The following BAZ2A variants were observed in gnomAD, a reference collection of about 807,000 sequenced individuals.
The protein encoded by BAZ2A is bromodomain adjacent to zinc finger domain 2A.
In BAZ2A, 34 loss-of-function variants were observed where a neutral mutation model predicts 199.9. That is an observed-to-expected ratio of 0.17 (90% CI 0.13 to 0.23). The LOEUF (loss-of-function observed/expected upper bound fraction) is 0.23, where lower values mean the gene tolerates loss of function less well. Ranked by LOEUF, BAZ2A falls within the 10% of genes least tolerant of loss-of-function variation. The probability of loss-of-function intolerance (pLI) is 1.00; values close to 1 mark genes in which losing one functional copy is unlikely to be tolerated. For missense variants in BAZ2A, 2,002 were observed against 2,391.1 expected (o/e 0.84, Z 3.39); for synonymous variants, 857 against 883.9 (o/e 0.97, Z 0.54).
chr12:56,599,620 G>A, intron 26 of BAZ2A, 82 bp downstream of exon 26: 1 of 1,592,782 alleles, frequency 6.3e-7, no homozygotes, highest in Non-Finnish European at 8.6e-7. Context: ...ACCCAGTCTA[G>A]GACTCTTTCC....
At chr12:56,614,638 A>C (rs1426064338) in intron 3 of BAZ2A, among the ~76,000 whole-genome samples, 5 of 152,182 alleles carry the variant, frequency 3.3e-5, no homozygotes, top group Admixed American at 2.0e-4. Context: ...GACGACTTTA[A>C]CAGCCAGTCT....
At position 56,625,964 on chromosome 12, in the gene BAZ2A, A is replaced by G. The variant is rs1240571478; in HGVS notation, c.-3+4161T>C. Among the ~76,000 whole-genome samples, 4 of 152,142 alleles carry G rather than the reference A, an allele frequency of 2.6e-5. 1 individual carries two copies. The highest frequency in any genetic ancestry group is 9.7e-5 in the African/African-American group (4 of 41,438). On this transcript the variant is annotated intron_variant, in intron 1 of 28. Transcript: ENST00000549884. ...CAAGATTACAGTATTTTAGTCTGCA[A>G]AATGCCCCCATAATAACTGTTCTCT...
chr12:56,622,578 A>G (rs974823833), intron 1 of BAZ2A, among the ~76,000 whole-genome samples: 6 of 152,178 alleles, frequency 3.9e-5, no homozygotes, highest in Non-Finnish European at 7.3e-5. Flanking sequence ...TGCTTTTCAC[A>G]ATAAACCCTA....
chr12:56,611,423 A>C, intron 7 of BAZ2A, 150 bp downstream of exon 7: 1 of 746,802 alleles, frequency 1.3e-6, no homozygotes, highest in South Asian at 1.7e-5. Context: ...TCATGCCAAG[A>C]AACATTATCA....
intron 1 of BAZ2A, among the ~76,000 whole-genome samples, chr12:56,620,743 T>TGATAAA (rs1230256588): frequency 6.6e-6 from 1 of 152,022 alleles, no homozygotes; most frequent in Admixed American, 6.6e-5. Flanking sequence ...ATCTTTTTAG[T>TGATAAA]AGAGACGGGG....
In BAZ2A at chr12:56,605,890, C is replaced by T. The variant is rs372636982; in HGVS notation, c.2433G>A (p.Gln811=). ...TQRRLEERQR[Q]QMILEEMKKP... is the part of the protein sequence containing the mutation. ...TCTTCATTTCCTCCAAGATCATCTG[C>T]TGCCTCTGCCGTTCCTCCAAGCGCC... Residue 811 remains glutamine, a synonymous_variant, in exon 13 of 29, where the codon CAG becomes CAA. Coordinates refer to ENST00000549884, the MANE Select transcript of BAZ2A (RefSeq NM_001300905.2). 7 of 1,597,066 alleles carry T rather than the reference C, an allele frequency of 4.4e-6. No individual in the cohort carries two copies. In the African/African-American group the frequency reaches 8.0e-5, roughly 18 times the overall value.
At chr12:56,605,670 C>A (rs1950323686) in intron 13 of BAZ2A, 160 bp downstream of exon 13, 1 of 822,440 alleles carries the variant, frequency 1.2e-6, no homozygotes, top group East Asian at 2.7e-5. Flanking sequence ...GATCTGCCCG[C>A]CTCGGCCTCC....
At chr12:56,607,614 G>A (rs866723318) in intron 10 of BAZ2A, among the ~76,000 whole-genome samples, 5 of 152,126 alleles carry the variant, frequency 3.3e-5, no homozygotes, top group South Asian at 2.1e-4. Flanking sequence ...CTCATGATCC[G>A]CTGGTCTCAG....
upstream of BAZ2A, among the ~76,000 whole-genome samples, chr12:56,632,305 G>T (rs1951333605): frequency 6.6e-6 from 1 of 152,216 alleles, no homozygotes; most frequent in South Asian, 2.1e-4. Context: ...GAGGCCTCAA[G>T]GGCGGCGGGA....
Position 56,613,171 on chromosome 12 carries a change from G to C in BAZ2A, c.979C>G (p.Leu327Val). The C allele has an allele frequency of 6.2e-7, 1 of 1,614,032 alleles. No homozygotes were observed. The highest frequency in any genetic ancestry group is 8.5e-7 in the Non-Finnish European group (1 of 1,179,898). The change falls in exon 5 of 29, where the codon CTG (leucine) becomes GTG (valine). Residue 327 changes from leucine (L) to valine (V), a missense_variant. By Grantham distance (32) the Leu-to-Val change is conservative. Transcript: ENST00000549884. ...DTELMGAEDK[L>V]PLEDSPVISA... is the part of the protein sequence containing the mutation. ...ATCACAGGGCTGTCCTCAAGAGGCA[G>C]CTTGTCCTCTGCACCCATCAGCTCC...
intron 1 of BAZ2A, among the ~76,000 whole-genome samples, chr12:56,620,165 T>TAAA (rs546559926): frequency 1.4e-3 from 196 of 141,902 alleles, no homozygotes; most frequent in African/African-American, 4.7e-3. Flanking sequence ...TGATGAGCTT[T>TAAA]AAAAAAAAAA....
rs750208210 is a variant in BAZ2A at position 56,599,227 on chromosome 12, G to C, written c.5304C>G (p.Ser1768Arg). 1 of 1,613,068 alleles carries C rather than the reference G, an allele frequency of 6.2e-7. No individual in the cohort carries two copies. The highest frequency in any genetic ancestry group is 8.5e-7 in the Non-Finnish European group (1 of 1,179,704). The change falls in exon 27 of 29, where the codon AGC (serine) becomes AGG (arginine). Residue 1768 changes from serine (S) to arginine (R), a missense_variant. By Grantham distance (110) the Ser-to-Arg change is moderately radical (BLOSUM62 -1). Coordinates refer to ENST00000549884, the MANE Select transcript of BAZ2A (RefSeq NM_001300905.2). ...RRRVLLRGRESPAAGPRYSEE... is the reference protein window; with the variant it reads ...RRRVLLRGRERPAAGPRYSEE... ...CCGAGTACCGAGGCCCTGCTGCTGGGCTTTCTCGGCCCCTCAACAGTACCC... is the reference window on the plus strand; with the variant it reads ...CCGAGTACCGAGGCCCTGCTGCTGGCCTTTCTCGGCCCCTCAACAGTACCC...
rs758674282 is a variant in BAZ2A at position 56,599,785 on chromosome 12, G to A, written c.5089C>T (p.Arg1697Cys). Residue 1697 changes from arginine to cysteine, a missense_variant, in exon 26 of 29, where the codon CGT (arginine) becomes TGT (cysteine). By Grantham distance (180) the Arg-to-Cys change is radical. Transcript: ENST00000549884. ...CGATGGCAGTAAATGTGGCAGCCAC[G>A]GTCACACCCATCACAAAGCAGAAGA... ...EFLLLCDGCD[R>C]GCHIYCHRPK... 31 of 1,613,796 alleles carry A rather than the reference G, an allele frequency of 1.9e-5. No individual in the cohort carries two copies. The highest frequency in any genetic ancestry group is 2.2e-5 in the Non-Finnish European group (26 of 1,179,874).
At chr12:56,600,552 A>G (rs1886350935) in intron 23 of BAZ2A, 62 bp from the exon 24 acceptor site, 29 of 1,574,546 alleles carry the variant, frequency 1.8e-5, no homozygotes, top group Non-Finnish European at 2.4e-5. Flanking sequence ...CATAGGAAAA[A>G]AAAAAACAAA....
intron 1 of BAZ2A, among the ~76,000 whole-genome samples, chr12:56,628,885 T>C (rs1290474692): frequency 2.0e-5 from 3 of 152,158 alleles, no homozygotes; most frequent in African/African-American, 4.8e-5. Context: ...ACCCCGCTGG[T>C]AGATAACTGA....
At chr12:56,605,778 TAAAGG>T (rs1468946778) in intron 13 of BAZ2A, 47 bp downstream of exon 13, 2 of 1,454,002 alleles carry the variant, frequency 1.4e-6, no homozygotes, top group Admixed American at 2.5e-5. Context: ...TTTTTTTTTT[TAAAGG>T]AAAGTCTTCC....
chr12:56,603,278 T>A (rs1950239266), intron 18 of BAZ2A, 81 bp downstream of exon 18: 3 of 1,453,820 alleles, frequency 2.1e-6, no homozygotes, highest in Non-Finnish European at 2.8e-6. Context: ...GAATAAAAAT[T>A]AAAATTCAGT....
Position 56,606,422 on chromosome 12 carries a change from T to A in BAZ2A, c.2194-110A>T. ...TGGGGAGGAGAGGTGAGAGATGGAA[T>A]GAGGGGTTGGCAATGGATTAATTCT... On this transcript the variant is annotated intron_variant, in intron 11 of 28. Transcript: ENST00000549884. The A allele has an allele frequency of 6.6e-6, 9 of 1,356,784 alleles. 1 individual carries two copies. In the South Asian group the frequency reaches 1.1e-4, roughly 16 times the overall value. The allele number at this position is 1,356,784 out of a possible 1,614,324, so 84.0% of individuals were successfully genotyped here.
At position 56,598,923 on chromosome 12, in the gene BAZ2A, T is replaced by C. The variant is rs753978187; in HGVS notation, c.5491A>G (p.Ile1831Val). The change falls in exon 28 of 29, where the codon ATC (isoleucine) becomes GTC (valine). Residue 1831 changes from isoleucine to valine, a missense_variant. Ile to Val is a conservative substitution (Grantham distance 29, BLOSUM62 3). Around this residue, in one of 6 missense-constraint regions of BAZ2A, gnomAD observed 76 missense variants for 139.3 expected, o/e 0.55. Coordinates refer to ENST00000549884, the MANE Select transcript of BAZ2A (RefSeq NM_001300905.2). ...GAAAAATCCATAGGATTTTTGATGA[T>C]GCGCCGGTACCCACTCACCAAACGT... Reference protein sequence around the residue: ...NPRLVSGYRRIIKNPMDFSTM... With the variant: ...NPRLVSGYRRVIKNPMDFSTM... 6.8e-6 allele frequency: 11 copies of C among 1,606,050 alleles called. No homozygotes were observed. The highest frequency in any genetic ancestry group is 1.7e-5 in the Admixed American group (1 of 58,690).
Sources: allele counts gnomAD v4.1 joint callset (sites outside exome capture counted in the v4.1 genomes callset), GRCh38; gene constraint gnomAD v4.1.1; regional missense constraint gnomAD v4.1.1; transcripts MANE v1.5; gene names NCBI Gene and HGNC (gene_info 2026-07-23, HGNC 2026-07-21).